Variants in KCNMB4 observed in about 807,000 individuals in gnomAD.
KCNMB4 encodes calcium-activated potassium channel subunit beta-4.
KCNMB4 carries 3 observed loss-of-function variants against 20.7 expected under a neutral mutation model. That is an observed-to-expected ratio of 0.14 (90% CI 0.07 to 0.37). KCNMB4 has a LOEUF of 0.37. Ranked by LOEUF, KCNMB4 falls within the 10% of genes least tolerant of loss-of-function variation. KCNMB4 has a pLI of 1.00. For synonymous variants in KCNMB4, 110 were observed against 113.4 expected (o/e 0.97, Z 0.19); for missense variants, 168 against 265.9 (o/e 0.63, Z 2.56).
Position 70,430,613 on chromosome 12 carries a change from C to T in KCNMB4, c.593C>T (p.Ala198Val), listed in dbSNP as rs1229978252. ...CTGACCATCTGTGCCAAGAGCTTGGCGGTCAAGGCGGAAGCCATGAAGAAG... is the reference window on the plus strand; with the variant it reads ...CTGACCATCTGTGCCAAGAGCTTGGTGGTCAAGGCGGAAGCCATGAAGAAG... The part of the protein sequence containing the change: ...VVLTICAKSL[A>V]VKAEAMKKRK... The change falls in exon 3 of 3, where the codon GCG becomes GTG. Residue 198 changes from alanine to valine, a missense_variant. Ala to Val is a moderately conservative substitution (Grantham distance 64). Coordinates refer to ENST00000258111, the MANE Select transcript of KCNMB4 (RefSeq NM_014505.6). 1 of 1,611,450 alleles carries T rather than the reference C, an allele frequency of 6.2e-7. No individual in the cohort carries two copies. The highest frequency in any genetic ancestry group is 8.5e-7 in the Non-Finnish European group (1 of 1,179,328).
chr12:70,375,563 G>T (rs1211297860), intron 1 of KCNMB4, among the ~76,000 whole-genome samples: 1 of 152,082 alleles, frequency 6.6e-6, no homozygotes, highest in African/African-American at 2.4e-5. Flanking sequence ...TGCTTGAGCT[G>T]AGGAGGTCAA....
intron 1 of KCNMB4, among the ~76,000 whole-genome samples, chr12:70,397,581 A>G (rs1036333456): frequency 6.6e-6 from 1 of 152,202 alleles, no homozygotes; most frequent in Non-Finnish European, 1.5e-5. Context: ...AAAATCTCAC[A>G]TGAAACTTCA....
At chr12:70,409,971 A>G (rs10784844) in intron 2 of KCNMB4, among the ~76,000 whole-genome samples, 64,097 of 152,006 alleles carry the variant, frequency 0.42, 13,723 homozygotes, top group East Asian at 0.6. Context: ...TCTGCTTTAC[A>G]TATTTTAACT....
At chr12:70,411,692 C>G (rs548798225) in intron 2 of KCNMB4, among the ~76,000 whole-genome samples, 19 of 152,084 alleles carry the variant, frequency 1.2e-4, no homozygotes, top group African/African-American at 4.6e-4. Flanking sequence ...ACCTGTAGTC[C>G]CCACTACTTG....
chr12:70,422,750 A>G (rs760688258), intron 2 of KCNMB4: 19 of 1,288,830 alleles, frequency 1.5e-5, no homozygotes, highest in Non-Finnish European at 1.8e-5. Flanking sequence ...CTCAGGAAGC[A>G]TCTCCGGCAG....
In KCNMB4 at chr12:70,366,970, C is replaced by T. The variant is rs1386284571; in HGVS notation, c.236C>T (p.Thr79Ile). The change falls in exon 1 of 3, where the codon ACC becomes ATC. Residue 79 changes from threonine (T) to isoleucine (I), a missense_variant. Transcript: ENST00000258111. ...TFTCGADCRG[T>I]SQYPCVQVYV... ...ACCTGTGGCGCCGACTGCAGGGGCA[C>T]CTCGCAGTACCCCTGCGTCCAGGTC... 2.3e-5 allele frequency: 37 copies of T among 1,609,112 alleles called. No homozygotes were observed. The highest frequency in any genetic ancestry group is 3.0e-5 in the Non-Finnish European group (35 of 1,177,772).
chr12:70,392,262 A>G (rs1408899115), intron 1 of KCNMB4, among the ~76,000 whole-genome samples: 2 of 152,212 alleles, frequency 1.3e-5, no homozygotes, highest in Admixed American at 6.5e-5. Context: ...ATGCAAATCA[A>G]AACCACAATG....
chr12:70,429,666 C>CAA (rs11320039), intron 2 of KCNMB4, among the ~76,000 whole-genome samples: 1 of 117,188 alleles, frequency 8.5e-6, no homozygotes, highest in Admixed American at 9.0e-5. Flanking sequence ...GACTCCATCT[C>CAA]AAAAAAAAAA....
At position 70,421,461 on chromosome 12, in the gene KCNMB4, CT is replaced by C. The variant is rs1315104509; in HGVS notation, c.465-9023del. On this transcript the variant is annotated intron_variant, in intron 2 of 2. Transcript: ENST00000258111. ...CCTGGGCGACAGAGTGAGACCTTGTCTCAAAAAAGAAAAAAAAAAAAAAAAA... is the reference window on the plus strand; with the variant it reads ...CCTGGGCGACAGAGTGAGACCTTGTCCAAAAAAGAAAAAAAAAAAAAAAAA... Among the ~76,000 whole-genome samples the C allele has an allele frequency of 4.5e-5, 4 of 88,816 alleles. No homozygotes were observed. In the Admixed American group the frequency reaches 4.8e-4, roughly 11 times the overall value. The allele number at this position is 88,816 out of a possible 152,430, so 58.3% of individuals were successfully genotyped here. A position where few individuals can be genotyped will look rare whatever the true frequency, so the allele number is the denominator to read the frequency against.
intron 2 of KCNMB4, among the ~76,000 whole-genome samples, chr12:70,421,565 T>TC: frequency 6.7e-6 from 1 of 149,786 alleles, no homozygotes; most frequent in Non-Finnish European, 1.5e-5. Context: ...ATGAGGAAAC[T>TC]CCAAGGGTTT....
chr12:70,412,060 A>G (rs1157947433), intron 2 of KCNMB4, among the ~76,000 whole-genome samples: 1 of 152,086 alleles, frequency 6.6e-6, no homozygotes, highest in African/African-American at 2.4e-5. Context: ...AAAAGGAGGA[A>G]TGGACATAGG....
rs903164245 is a variant in KCNMB4, at chr12:70,433,951, T to A, written c.*3298T>A. 1 of 152,218 alleles carries A rather than the reference T, an allele frequency of 6.6e-6. No homozygotes were observed. 9.4% of individuals were successfully genotyped at this position (152,218 alleles called of 1,614,324 possible). ...AGATTGCCTTAGAGACTGAAAAATA[T>A]ACGCTTTTATAGGCCGGGGTTTTAG... On this transcript the variant is annotated 3_prime_UTR_variant, in exon 3 of 3. Coordinates refer to ENST00000258111, the MANE Select transcript of KCNMB4 (RefSeq NM_014505.6).
chr12:70,423,699 G>C (rs564078741), intron 2 of KCNMB4, among the ~76,000 whole-genome samples: 26 of 152,054 alleles, frequency 1.7e-4, no homozygotes, highest in African/African-American at 6.0e-4. Context: ...GCTGGTCTTG[G>C]TCTGGGCTCA....
At chr12:70,382,360 A>G (rs1027972611) in intron 1 of KCNMB4, among the ~76,000 whole-genome samples, 3 of 148,124 alleles carry the variant, frequency 2.0e-5, no homozygotes, top group Non-Finnish European at 4.5e-5. Flanking sequence ...GTGAACCCGG[A>G]AGGCGGAGCT....
At chr12:70,375,672 A>T (rs552625207) in intron 1 of KCNMB4, among the ~76,000 whole-genome samples, 2 of 152,172 alleles carry the variant, frequency 1.3e-5, no homozygotes, top group Admixed American at 6.5e-5. Context: ...CTCAGGTCCC[A>T]TCCTCGACCC....
intron 2 of KCNMB4, among the ~76,000 whole-genome samples, chr12:70,422,312 A>G (rs1420023668): frequency 2.6e-5 from 4 of 152,222 alleles, no homozygotes; most frequent in African/African-American, 7.2e-5. Flanking sequence ...TCTGAAGAAC[A>G]GCAATTCTTA....
intron 2 of KCNMB4, among the ~76,000 whole-genome samples, chr12:70,423,143 A>C (rs1046901577): frequency 6.6e-6 from 1 of 152,178 alleles, no homozygotes; most frequent in Non-Finnish European, 1.5e-5. Context: ...TGAGATACAT[A>C]TATAACACTT....
rs116931478 is a variant in KCNMB4 at position 70,416,062 on chromosome 12, G to T, written c.465-14423G>T. Among the ~76,000 whole-genome samples the T allele has an allele frequency of 9.0e-3, 1,372 of 152,280 alleles. 14 individuals are homozygous for T. The highest frequency in any genetic ancestry group is 0.015 in the Non-Finnish European group (1,016 of 68,004). ...TGTGCTTTAGATTAAGATTATTTTTGACCATCATGGCTGTTTCCTTAGTGA... is the reference window on the plus strand; with the variant it reads ...TGTGCTTTAGATTAAGATTATTTTTTACCATCATGGCTGTTTCCTTAGTGA... On this transcript the variant is annotated intron_variant, in intron 2 of 2. Transcript: ENST00000258111.
At chr12:70,389,480 G>A (rs1868282937) in intron 1 of KCNMB4, among the ~76,000 whole-genome samples, 1 of 152,120 alleles carries the variant, frequency 6.6e-6, no homozygotes, top group South Asian at 2.1e-4. Flanking sequence ...GATCCCTTGA[G>A]CCCAGGAGTT....
Sources: gnomAD v4.1 joint callset for allele counts (sites outside exome capture counted in the v4.1 genomes callset) on GRCh38, gnomAD v4.1.1 for gene constraint, MANE v1.5 for transcripts, NCBI Gene and HGNC (gene_info 2026-07-23, HGNC 2026-07-21) for gene names.